The following XIAP variants were observed in gnomAD, a reference collection of about 807,000 sequenced individuals.
XIAP encodes the protein E3 ubiquitin-protein ligase XIAP.
In XIAP, 3 loss-of-function variants were observed where a neutral mutation model predicts 33.1. That is an observed-to-expected ratio of 0.09 (90% CI 0.04 to 0.23). The LOEUF (loss-of-function observed/expected upper bound fraction) is 0.23. Ranked by LOEUF, XIAP falls within the 10% of genes least tolerant of loss-of-function variation. XIAP has a pLI of 1.00. For synonymous variants in XIAP, 98 were observed against 121.3 expected (o/e 0.81, Z 1.26); for missense variants, 264 against 363.0 (o/e 0.73, Z 2.22).
chrX:123,865,977 C>T (rs6649103), intron 1 of XIAP, among the ~76,000 whole-genome samples: 39,437 of 102,757 alleles, frequency 0.38, 6,180 homozygotes, highest in African/African-American at 0.49. Flanking sequence ...CTTGCTCTGT[C>T]GCCCAGAGCT....
Position 123,913,455 on chromosome X carries a change from G to A in XIAP, c.*6274G>A, listed in dbSNP as rs2053625713. On this transcript the variant is annotated 3_prime_UTR_variant, in exon 7 of 7. Transcript: ENST00000371199. ...ACCGCACTCCAGCCTAGGTGATAGA[G>A]TGAGACTCCCTCTCAAAAACAAAAC... 3 of 327,655 alleles carry A rather than the reference G, an allele frequency of 9.2e-6. No homozygotes were observed. The highest frequency in any genetic ancestry group is 1.8e-5 in the Non-Finnish European group (3 of 169,709). The allele number at this position is 327,655 out of a possible 1,213,427, so 27.0% of individuals were successfully genotyped here.
At chrX:123,891,822 TTA>T (rs1491272139) in intron 4 of XIAP, among the ~76,000 whole-genome samples, 1 of 57,501 alleles carries the variant, frequency 1.7e-5, no homozygotes. Flanking sequence ...ACCCTATCTC[TTA>T]AAAAAAAAAA....
At chrX:123,901,566 T>TA (rs918145141) in intron 6 of XIAP, among the ~76,000 whole-genome samples, 12 of 112,181 alleles carry the variant, frequency 1.1e-4, no homozygotes, top group African/African-American at 3.6e-4. Context: ...TAAAAAAACT[T>TA]AAACGTTTAC....
chrX:123,902,634 CT>C (rs1050862099), intron 6 of XIAP, among the ~76,000 whole-genome samples: 19 of 111,225 alleles, frequency 1.7e-4, no homozygotes, highest in African/African-American at 3.6e-4. Flanking sequence ...GAATCAGTAT[CT>C]TTTTTTCTTT....
chrX:123,907,912 T>A lies in XIAP; in HGVS notation c.*731T>A. The stretch of plus-strand genomic sequence containing the variant: ...TTTTAATATGCATAGAACAAAAGAT[T>A]TGGAAAGATATACACCAAACTGTTA... On this transcript the variant is annotated 3_prime_UTR_variant, in exon 7 of 7. Coordinates refer to ENST00000371199, the MANE Select transcript of XIAP (RefSeq NM_001167.4). 2.7e-6 allele frequency: 1 copy of A among 366,343 alleles called. No homozygotes were observed. The highest frequency in any genetic ancestry group is 5.1e-6 in the Non-Finnish European group (1 of 196,307). 30.2% of individuals were successfully genotyped at this position (366,343 alleles called of 1,213,427 possible).
intron 1 of XIAP, among the ~76,000 whole-genome samples, chrX:123,877,337 G>A (rs1272330917): frequency 1.8e-5 from 2 of 111,780 alleles, no homozygotes; most frequent in East Asian, 5.6e-4. Flanking sequence ...AAAGTGCTGG[G>A]ATTACAGGCA....
intron 1 of XIAP, among the ~76,000 whole-genome samples, chrX:123,870,405 C>T (rs1178058406): frequency 4.5e-5 from 5 of 112,036 alleles, no homozygotes; most frequent in Non-Finnish European, 5.6e-5. Flanking sequence ...TATGTTGTAT[C>T]GTTTAAATTT....
At chrX:123,906,952 G>A in intron 6 of XIAP, 36 bp from the exon 7 acceptor site, 1 of 1,199,404 alleles carries the variant, frequency 8.3e-7, no homozygotes, top group Non-Finnish European at 1.1e-6. Context: ...AACTAAGAGA[G>A]TCTAAAACTA....
Position 123,900,521 on chromosome X carries a change from A to G in XIAP, c.1128A>G (p.Val376=). ...IDDTIFQNPM[V]QEAIRMGFSF... ...ATACCATCTTCCAAAATCCTATGGT[A>G]CAAGAAGCTATACGAATGGGGTTCA... The change falls in exon 6 of 7, where the codon GTA becomes GTG. Residue 376 remains valine, a synonymous_variant. Coordinates refer to ENST00000371199, the MANE Select transcript of XIAP (RefSeq NM_001167.4). The G allele has an allele frequency of 2.5e-6, 3 of 1,211,093 alleles. No homozygotes were observed. Among genetic ancestry groups the G allele is most frequent in the Non-Finnish European group, 3.4e-6 (3 of 894,886 alleles).
At chrX:123,906,440 T>C (rs780338315) in intron 6 of XIAP, among the ~76,000 whole-genome samples, 1 of 112,089 alleles carries the variant, frequency 8.9e-6, no homozygotes, top group South Asian at 3.7e-4. Context: ...CTAGCAATCT[T>C]GTAATCAACT....
intron 5 of XIAP, among the ~76,000 whole-genome samples, chrX:123,893,111 C>T (rs1320152266): frequency 2.7e-5 from 3 of 109,932 alleles, no homozygotes; most frequent in Non-Finnish European, 3.8e-5. Context: ...TGAGCCACCG[C>T]ACCCGGCCTT....
At chrX:123,860,422 G>A (rs1403614390) in intron 1 of XIAP, 129 bp downstream of exon 1, 3 of 288,046 alleles carry the variant, frequency 1.0e-5, no homozygotes, top group Non-Finnish European at 2.0e-5. Flanking sequence ...GGCCGCGCCA[G>A]CCCATCAGGG....
At chrX:123,874,850 AC>A (rs2053228242) in intron 1 of XIAP, among the ~76,000 whole-genome samples, 1 of 89,774 alleles carries the variant, frequency 1.1e-5, no homozygotes, top group Non-Finnish European at 2.2e-5. Flanking sequence ...GTGTGCCACC[AC>A]CCCCAGCTAA....
intron 2 of XIAP, 142 bp downstream of exon 2, chrX:123,886,681 T>C: frequency 3.2e-6 from 2 of 625,937 alleles, no homozygotes. Flanking sequence ...TATTATTCCG[T>C]GAACTCTTAT....
At chrX:123,869,962 AT>A (rs67494680) in intron 1 of XIAP, among the ~76,000 whole-genome samples, 17,422 of 108,207 alleles carry the variant, frequency 0.16, 1,227 homozygotes, top group South Asian at 0.38. Flanking sequence ...AAGAGGATTG[AT>A]TTTTTTTTTT....
At position 123,908,757 on chromosome X, in the gene XIAP, A is replaced by G; in HGVS notation, c.*1576A>G. On this transcript the variant is annotated 3_prime_UTR_variant, in exon 7 of 7. Coordinates refer to ENST00000371199, the MANE Select transcript of XIAP (RefSeq NM_001167.4). ...AAGAATAGTTGTTTAAATATTTTTT[A>G]AAAAACACTTGAATAAGAATCAGTA... is the stretch of plus-strand genomic sequence containing the variant. 1 of 346,250 alleles carries G rather than the reference A, an allele frequency of 2.9e-6. No individual in the cohort carries two copies. The highest frequency in any genetic ancestry group is 5.5e-6 in the Non-Finnish European group (1 of 182,375). The allele number at this position is 346,250 out of a possible 1,213,427, so 28.5% of individuals were successfully genotyped here. A position where few individuals can be genotyped will look rare whatever the true frequency, so the allele number is the denominator to read the frequency against.
chrX:123,863,670 G>A (rs148003923), intron 1 of XIAP, among the ~76,000 whole-genome samples: 2,099 of 110,349 alleles, frequency 0.019, 46 homozygotes, highest in African/African-American at 0.065. Flanking sequence ...CACCACGCCC[G>A]GCTAATTTTG....
intron 1 of XIAP, among the ~76,000 whole-genome samples, chrX:123,880,737 CAAAAAAAAA>C (rs35365799): frequency 4.7e-5 from 3 of 63,963 alleles, no homozygotes; most frequent in African/African-American, 1.6e-4. Context: ...AACTCTGTTT[CAAAAAAAAA>C]AAAAAAAAAA....
rs1261428164 is a variant in XIAP at position 123,860,280 on chromosome X, G to A, written c.-46G>A. 4 of 329,829 alleles carry A rather than the reference G, an allele frequency of 1.2e-5. No individual in the cohort carries two copies. Among genetic ancestry groups the A allele is most frequent in the South Asian group, 1.0e-4 (4 of 38,541 alleles). The allele number at this position is 329,829 out of a possible 1,213,427, so 27.2% of individuals were successfully genotyped here. On this transcript the variant is annotated 5_prime_UTR_variant, in exon 1 of 7. Coordinates refer to ENST00000371199, the MANE Select transcript of XIAP (RefSeq NM_001167.4). Reference sequence around the variant, plus strand: ...GATCGCCGCGGGGCAGTTCGGGCCGGCTGTCCTGGCGCGGTGGGTACAGCT... The same window carrying A: ...GATCGCCGCGGGGCAGTTCGGGCCGACTGTCCTGGCGCGGTGGGTACAGCT...
Sources: allele counts gnomAD v4.1 joint callset (sites outside exome capture counted in the v4.1 genomes callset), GRCh38; gene constraint gnomAD v4.1.1; transcripts MANE v1.5; gene names NCBI Gene and HGNC (gene_info 2026-07-23, HGNC 2026-07-21).